DOCK10: variants seen among roughly 807,000 people sequenced by gnomAD.
DOCK10 encodes dedicator of cytokinesis 10.
In DOCK10, 145 loss-of-function variants were observed where a neutral mutation model predicts 280.1. The observed-to-expected ratio is 0.52, with a 90% CI of 0.45 to 0.59. The LOEUF (loss-of-function observed/expected upper bound fraction) is 0.59. DOCK10 is among the 20% of genes least tolerant of loss of function. DOCK10 has a pLI of 0.00. For synonymous variants in DOCK10, 915 were observed against 942.2 expected, an observed-to-expected ratio of 0.97 and a Z score of 0.53; for missense variants, 2,368 against 2,651.7, an observed-to-expected ratio of 0.89 and a Z score of 2.35.
At chr2:225,032,777 T>C (rs769992188) in intron 1 of DOCK10, among the ~76,000 whole-genome samples, 7 of 152,238 alleles carry the variant, frequency 4.6e-5, no homozygotes, top group Admixed American at 4.6e-4. Context: ...TTAATTATCA[T>C]ATTTCATTGA....
At chr2:224,886,005 GA>G in intron 6 of DOCK10, 57 bp downstream of exon 6, 1 of 1,608,576 alleles carries the variant, frequency 6.2e-7, no homozygotes, top group Admixed American at 1.7e-5. Flanking sequence ...GCTGTGACCA[GA>G]GGAGGGAGTG....
Position 225,042,145 on chromosome 2 carries a change from C to T in DOCK10, c.123+107G>A. 3 of 1,165,376 alleles carry T rather than the reference C, an allele frequency of 2.6e-6. No homozygotes were observed. Among genetic ancestry groups the T allele is most frequent in the Non-Finnish European group, 3.2e-6 (3 of 934,062 alleles). The allele number at this position is 1,165,376 out of a possible 1,614,324, so 72.2% of individuals were successfully genotyped here. A position where few individuals can be genotyped will look rare whatever the true frequency, so the allele number is the denominator to read the frequency against. The stretch of plus-strand genomic sequence containing the variant: ...GGGAGGGAGTGCGGAGGAGAGGACC[C>T]GTGAGCTGCGGGGACCTGGGCCCGC... On this transcript the variant is annotated intron_variant, in intron 1 of 55. Coordinates refer to ENST00000258390, the MANE Select transcript of DOCK10 (RefSeq NM_014689.3). This position sits in a 1 kb window ranked among gnomAD's most constrained non-coding sequence, Gnocchi z 5.1.
intron 14 of DOCK10, among the ~76,000 whole-genome samples, chr2:224,859,439 A>C (rs1053871063): frequency 1.3e-5 from 2 of 152,176 alleles, no homozygotes; most frequent in Non-Finnish European, 2.9e-5. Flanking sequence ...CGAGTCAATG[A>C]GTATAAAATA....
chr2:224,818,403 T>C, intron 29 of DOCK10, among the ~76,000 whole-genome samples: 1 of 150,092 alleles, frequency 6.7e-6, no homozygotes, highest in East Asian at 1.9e-4. Context: ...CCTGCCTTTT[T>C]TTTTTTTTTT....
intron 1 of DOCK10, among the ~76,000 whole-genome samples, chr2:225,019,964 T>A (rs1404022179): frequency 2.6e-5 from 4 of 152,172 alleles, no homozygotes; most frequent in Admixed American, 2.0e-4. Context: ...ATTGCAAACA[T>A]ATTTGTGATC....
rs560346896 is a variant in DOCK10 at position 225,022,237 on chromosome 2, G to C, written c.123+20015C>G. Among the ~76,000 whole-genome samples the C allele has an allele frequency of 3.9e-5, 6 of 152,200 alleles. 1 individual carries two copies. In the South Asian group the frequency reaches 1.2e-3, roughly 32 times the overall value. On this transcript the variant is annotated intron_variant, in intron 1 of 55. Transcript: ENST00000258390. ...TTTAAAACTGTGTAATCTTGTCTTAGACCTACCATTTAAAATTGTGTAATC... is the reference window on the plus strand; with the variant it reads ...TTTAAAACTGTGTAATCTTGTCTTACACCTACCATTTAAAATTGTGTAATC...
At chr2:224,924,114 A>G (rs1018803695) in intron 2 of DOCK10, among the ~76,000 whole-genome samples, 5 of 152,164 alleles carry the variant, frequency 3.3e-5, no homozygotes, top group African/African-American at 1.2e-4. Flanking sequence ...ATATGCTTTC[A>G]TGATTCCTTT....
At chr2:225,001,767 T>C (rs960386655) in intron 1 of DOCK10, among the ~76,000 whole-genome samples, 2 of 152,112 alleles carry the variant, frequency 1.3e-5, no homozygotes, top group South Asian at 2.1e-4. Context: ...GCAGGTGTGG[T>C]GTCTGTGAGG....
intron 1 of DOCK10, among the ~76,000 whole-genome samples, chr2:224,956,691 A>G (rs969530854): frequency 1.3e-5 from 2 of 151,036 alleles, no homozygotes; most frequent in African/African-American, 2.4e-5. Context: ...TACACAGACC[A>G]CACTTTGAGA....
chr2:224,912,776 A>C (rs1246764858), intron 3 of DOCK10, among the ~76,000 whole-genome samples: 2 of 152,184 alleles, frequency 1.3e-5, no homozygotes, highest in African/African-American at 2.4e-5. Context: ...CTGTAATCCC[A>C]GCACTTTGGG....
intron 50 of DOCK10, among the ~76,000 whole-genome samples, chr2:224,784,222 C>A (rs543405517): frequency 3.7e-4 from 57 of 152,240 alleles, no homozygotes; most frequent in Non-Finnish European, 7.4e-4. Context: ...ATGCTTAGAG[C>A]TCACCACCAT....
intron 11 of DOCK10, among the ~76,000 whole-genome samples, chr2:224,866,117 C>T (rs1477955250): frequency 1.3e-5 from 2 of 152,180 alleles, no homozygotes; most frequent in Non-Finnish European, 2.9e-5. Flanking sequence ...TGCCAGTTGA[C>T]TCAATAATGC....
rs988002944 is a variant in DOCK10, at chr2:224,796,252, AC to A, written c.4938+63del. On this transcript the variant is annotated intron_variant, in intron 44 of 55. Transcript: ENST00000258390. ...TCTATTTTTATGATTTTGATATCTC[AC>A]AAAAAGAATCCACTTCAGATTTAAA... 1.7e-5 allele frequency: 17 copies of A among 1,022,258 alleles called. No homozygotes were observed. In the African/African-American group the frequency reaches 2.6e-4, roughly 15 times the overall value. The allele number at this position is 1,022,258 out of a possible 1,614,324, so 63.3% of individuals were successfully genotyped here.
chr2:224,830,204 T>C (rs1695136496), intron 27 of DOCK10, among the ~76,000 whole-genome samples: 2 of 152,190 alleles, frequency 1.3e-5, no homozygotes, highest in African/African-American at 4.8e-5. Flanking sequence ...GCTAAAACCT[T>C]GTCACTGTGA....
intron 1 of DOCK10, among the ~76,000 whole-genome samples, chr2:225,027,881 T>C (rs1282997362): frequency 3.9e-5 from 6 of 152,148 alleles, no homozygotes; most frequent in Non-Finnish European, 7.4e-5. Context: ...AAAGCTAAGG[T>C]CTATTAACTT....
At chr2:224,845,700 G>A in intron 19 of DOCK10, 58 bp from the exon 20 acceptor site, 1 of 1,483,670 alleles carries the variant, frequency 6.7e-7, no homozygotes, top group Non-Finnish European at 9.2e-7. Context: ...CAATATCAGA[G>A]CAAGACAAAG....
intron 1 of DOCK10, among the ~76,000 whole-genome samples, chr2:225,006,778 T>C (rs1252391914): frequency 2.0e-5 from 3 of 152,232 alleles, no homozygotes; most frequent in East Asian, 1.9e-4. Flanking sequence ...TAATCTCTCA[T>C]GTTGTTTCTG....
intron 7 of DOCK10, among the ~76,000 whole-genome samples, chr2:224,880,189 A>G (rs1698900776): frequency 6.6e-6 from 1 of 152,222 alleles, no homozygotes; most frequent in Non-Finnish European, 1.5e-5. Context: ...TAAAAATTTG[A>G]GCAAAGTATT....
chr2:224,938,315 T>C (rs1351804789), intron 1 of DOCK10, among the ~76,000 whole-genome samples: 1 of 152,178 alleles, frequency 6.6e-6, no homozygotes, highest in Admixed American at 6.5e-5. Context: ...GAATTAATCC[T>C]GTATCTGAGT....
Sources: allele counts gnomAD v4.1 joint callset (sites outside exome capture counted in the v4.1 genomes callset), GRCh38; gene constraint gnomAD v4.1.1; non-coding constraint Gnocchi (gnomAD v3.1); transcripts MANE v1.5; gene names NCBI Gene and HGNC (gene_info 2026-07-23, HGNC 2026-07-21).